MCC: variants seen among roughly 807,000 people sequenced by gnomAD.
MCC encodes the protein MCC regulator of Wnt signaling pathway.
Under a neutral mutation model 116.2 loss-of-function variants are expected in MCC, and 90 were observed. The ratio of observed to expected loss-of-function variants is 0.77; its 90% CI spans 0.65 to 0.92. MCC has a LOEUF of 0.92. MCC is among the 40% of genes least tolerant of loss of function. MCC has a pLI of 0.00. For synonymous variants in MCC, 578 were observed against 510.5 expected, an observed-to-expected ratio of 1.13 and a Z score of -1.78; for missense variants, 1,516 against 1,312.2, an observed-to-expected ratio of 1.16 and a Z score of -2.40.
At position 113,340,746 on chromosome 5, in the gene MCC, G is replaced by A; in HGVS notation, c.416-16C>T. On this transcript the variant is annotated splice_polypyrimidine_tract_variant and intron_variant, in intron 2 of 18. Coordinates refer to ENST00000408903, the MANE Select transcript of MCC (RefSeq NM_001085377.2). ...GATAAGGCACCTAAGTCCGAGAGAA[G>A]CAGAGAAAATGAAAAGACATTTCCT... 1 of 1,608,596 alleles carries A rather than the reference G, an allele frequency of 6.2e-7. No individual in the cohort carries two copies.
intron 1 of MCC, among the ~76,000 whole-genome samples, chr5:113,483,813 CCAGA>C (rs1185789257): frequency 2.0e-5 from 3 of 151,988 alleles, no homozygotes; most frequent in Non-Finnish European, 2.9e-5. Flanking sequence ...TGATGATAGA[CCAGA>C]CAAAGAAAGT....
At chr5:113,276,805 A>ATT (rs35658846) in intron 3 of MCC, among the ~76,000 whole-genome samples, 35 of 129,106 alleles carry the variant, frequency 2.7e-4, no homozygotes, top group Middle Eastern at 7.9e-3. Flanking sequence ...TTTTCTTCTT[A>ATT]TTTTTTTTTT....
At chr5:113,234,126 C>T (rs1764045108) in intron 3 of MCC, among the ~76,000 whole-genome samples, 1 of 152,120 alleles carries the variant, frequency 6.6e-6, no homozygotes, top group Non-Finnish European at 1.5e-5. Context: ...TTTGGTGGTG[C>T]TTATTTTCAT....
At chr5:113,248,534 C>A (rs1764658773) in intron 3 of MCC, among the ~76,000 whole-genome samples, 1 of 152,136 alleles carries the variant, frequency 6.6e-6, no homozygotes, top group Admixed American at 6.5e-5. Flanking sequence ...TGGCCCCAGG[C>A]ATTTTAGATA....
At chr5:113,455,717 A>G (rs1411389325) in intron 1 of MCC, among the ~76,000 whole-genome samples, 1 of 152,230 alleles carries the variant, frequency 6.6e-6, no homozygotes, top group Non-Finnish European at 1.5e-5. Context: ...TAATGAACCA[A>G]ACATAATCAG....
intron 11 of MCC, among the ~76,000 whole-genome samples, chr5:113,082,181 G>A (rs1390507257): frequency 6.6e-6 from 1 of 152,262 alleles, no homozygotes; most frequent in African/African-American, 2.4e-5. Context: ...TACCTCTTTT[G>A]TAAGACTTGA....
intron 1 of MCC, among the ~76,000 whole-genome samples, chr5:113,472,894 C>T (rs538519293): frequency 5.3e-5 from 8 of 152,068 alleles, no homozygotes; most frequent in East Asian, 1.9e-4. Flanking sequence ...TGTGAAGCAC[C>T]GTATTTTGTC....
At chr5:113,114,683 C>T (rs1419384556) in intron 6 of MCC, among the ~76,000 whole-genome samples, 1 of 152,118 alleles carries the variant, frequency 6.6e-6, no homozygotes, top group African/African-American at 2.4e-5. Context: ...GGTTTGATGT[C>T]AGAGAGCAGC....
chr5:113,078,506 T>C (rs1053791279), intron 11 of MCC, among the ~76,000 whole-genome samples: 1 of 152,124 alleles, frequency 6.6e-6, no homozygotes, highest in Admixed American at 6.5e-5. Flanking sequence ...GTTCAACATA[T>C]GCAAATCAAT....
chr5:113,161,620 A>ATGTGTGTGTGTGTGTG (rs57962617), intron 3 of MCC, among the ~76,000 whole-genome samples: 38 of 148,440 alleles, frequency 2.6e-4, no homozygotes, highest in African/African-American at 8.8e-4. Flanking sequence ...GTTTAGATTT[A>ATGTGTGTGTGTGTGTG]TGTGTGTGTG....
intron 3 of MCC, among the ~76,000 whole-genome samples, chr5:113,297,408 T>G (rs953728783): frequency 6.6e-6 from 1 of 151,542 alleles, no homozygotes; most frequent in Non-Finnish European, 1.5e-5. Flanking sequence ...CTAATAAAAA[T>G]AGAAAAAATT....
intron 3 of MCC, among the ~76,000 whole-genome samples, chr5:113,318,633 G>A (rs930970748): frequency 2.6e-5 from 4 of 151,868 alleles, no homozygotes; most frequent in African/African-American, 7.2e-5. Context: ...TAAGTGAAGA[G>A]AACATATGAA....
intron 2 of MCC, among the ~76,000 whole-genome samples, chr5:113,370,446 A>G (rs1581433217): frequency 6.6e-6 from 1 of 152,210 alleles, no homozygotes; most frequent in Non-Finnish European, 1.5e-5. Context: ...GGAGTATCAG[A>G]AGTGACCGTG....
intron 12 of MCC, 72 bp from the exon 13 acceptor site, chr5:113,068,255 G>A: frequency 5.1e-6 from 6 of 1,185,942 alleles, no homozygotes; most frequent in East Asian, 2.5e-5. Flanking sequence ...GCCGGTTTCT[G>A]TGCAGGAGGC....
chr5:113,413,712 C>A (rs1243250949), intron 1 of MCC, among the ~76,000 whole-genome samples: 1 of 152,088 alleles, frequency 6.6e-6, no homozygotes, highest in Non-Finnish European at 1.5e-5. Context: ...TTGATCTTTT[C>A]AAAAAACCAG....
At chr5:113,260,686 T>C (rs141375139) in intron 3 of MCC, among the ~76,000 whole-genome samples, 2 of 152,286 alleles carry the variant, frequency 1.3e-5, no homozygotes, top group East Asian at 3.9e-4. Context: ...ATGTATGATT[T>C]TGGAAAATAC....
intron 16 of MCC, 74 bp downstream of exon 16, chr5:113,049,019 G>A (rs1016577044): frequency 1.4e-6 from 2 of 1,410,818 alleles, no homozygotes; most frequent in South Asian, 1.2e-5. Flanking sequence ...GCGGTGAGGT[G>A]TGGCCAGTGG....
At chr5:113,308,577 C>T (rs1388361362) in intron 3 of MCC, among the ~76,000 whole-genome samples, 1 of 152,184 alleles carries the variant, frequency 6.6e-6, no homozygotes, top group African/African-American at 2.4e-5. Flanking sequence ...AATCCCACCA[C>T]TTTGGGAGGC....
chr5:113,121,402 C>T (rs1757729208), intron 6 of MCC, among the ~76,000 whole-genome samples: 1 of 152,082 alleles, frequency 6.6e-6, no homozygotes, highest in African/African-American at 2.4e-5. Context: ...TTCCTGCCTA[C>T]CTCTCCAGTC....
Sources: gnomAD v4.1 joint callset for allele counts (sites outside exome capture counted in the v4.1 genomes callset) on GRCh38, gnomAD v4.1.1 for gene constraint, MANE v1.5 for transcripts, NCBI Gene and HGNC (gene_info 2026-07-23, HGNC 2026-07-21) for gene names.